The following ASS1 variants were observed in gnomAD, a reference collection of about 807,000 sequenced individuals.
ASS1 encodes argininosuccinate synthase 1.
ASS1 carries 58 observed loss-of-function variants against 60.5 expected under a neutral mutation model. The ratio of observed to expected loss-of-function variants is 0.96; its 90% CI spans 0.78 to 1.19. The LOEUF (loss-of-function observed/expected upper bound fraction) is 1.19, where lower values mean the gene tolerates loss of function less well. Among genes scored for constraint, ASS1 ranks in the 50% most tolerant of loss-of-function variants. ASS1 has a pLI of 0.00. For missense variants in ASS1, 454 were observed against 547.3 expected, an observed-to-expected ratio of 0.83 and a Z score of 1.70; for synonymous variants, 200 against 206.9, an observed-to-expected ratio of 0.97 and a Z score of 0.29.
chr9:130,500,360 T>A (rs12003032), intron 14 of ASS1, among the ~76,000 whole-genome samples: 2 of 152,130 alleles, frequency 1.3e-5, no homozygotes, highest in African/African-American at 4.8e-5. Flanking sequence ...TTTCCAAGGG[T>A]CACACAGCTA....
chr9:130,469,341 G>A (rs971587783), intron 6 of ASS1, among the ~76,000 whole-genome samples: 21 of 152,120 alleles, frequency 1.4e-4, no homozygotes, highest in African/African-American at 4.8e-4. Flanking sequence ...GTGTAATATG[G>A]TAACTGTTGA....
chr9:130,497,686 TG>T (rs1037003377), intron 13 of ASS1, among the ~76,000 whole-genome samples: 4 of 152,060 alleles, frequency 2.6e-5, no homozygotes, highest in African/African-American at 9.7e-5. Context: ...GTTCCCACCT[TG>T]GGGAACGGGA....
intron 11 of ASS1, among the ~76,000 whole-genome samples, chr9:130,484,940 G>A (rs1846271800): frequency 6.6e-6 from 1 of 152,184 alleles, no homozygotes; most frequent in Non-Finnish European, 1.5e-5. Context: ...TGTGTTTTGT[G>A]GCTGCAGCCT....
intron 4 of ASS1, among the ~76,000 whole-genome samples, chr9:130,461,563 G>A (rs973845316): frequency 5.9e-5 from 9 of 152,202 alleles, no homozygotes; most frequent in Non-Finnish European, 8.8e-5. Flanking sequence ...GGGATGCCGG[G>A]GAGTAGGTGC....
chr9:130,460,940 T>C (rs1023879495), intron 4 of ASS1, among the ~76,000 whole-genome samples: 1 of 151,812 alleles, frequency 6.6e-6, no homozygotes, highest in Non-Finnish European at 1.5e-5. Flanking sequence ...GTGTGTATGC[T>C]GCCATCTGTG....
intron 12 of ASS1, among the ~76,000 whole-genome samples, chr9:130,490,946 C>CGGGGGCCTGGACGTCA (rs1470093882): frequency 1.4e-4 from 22 of 152,270 alleles, no homozygotes; most frequent in Non-Finnish European, 1.5e-4. Context: ...CTCACATCTT[C>CGGGGGCCTGGACGTCA]GGGGGCCTGG....
At chr9:130,485,444 G>A (rs1457332685) in intron 11 of ASS1, among the ~76,000 whole-genome samples, 1 of 152,158 alleles carries the variant, frequency 6.6e-6, no homozygotes, top group Non-Finnish European at 1.5e-5. Flanking sequence ...GCCAAGCTGG[G>A]CACTTTCTGT....
chr9:130,480,505 T>C lies in ASS1; in HGVS notation c.838+56T>C. The C allele has an allele frequency of 6.3e-6, 10 of 1,585,372 alleles. No homozygotes were observed. The South Asian group carries it at 1.0e-4, about 16-fold the overall frequency. On this transcript the variant is annotated intron_variant, in intron 11 of 14. Coordinates refer to ENST00000352480, the MANE Select transcript of ASS1 (RefSeq NM_054012.4). ...CCTCGGGACCCAGCAAACCCAGAGA[T>C]CCCTGAGACCCTGTCCCCTTTGGAC...
At chr9:130,461,384 CG>C (rs144816697) in intron 4 of ASS1, among the ~76,000 whole-genome samples, 44,224 of 151,976 alleles carry the variant, frequency 0.29, 6,983 homozygotes, top group Middle Eastern at 0.37. Flanking sequence ...CCTTGGGGGC[CG>C]ACAAAGGCGG....
intron 3 of ASS1, among the ~76,000 whole-genome samples, chr9:130,455,139 C>CCCTCCAT (rs1845419896): frequency 6.6e-6 from 1 of 150,892 alleles, no homozygotes; most frequent in African/African-American, 2.5e-5. Context: ...CATCCATCAT[C>CCCTCCAT]CATCCATCCA....
intron 5 of ASS1, among the ~76,000 whole-genome samples, chr9:130,465,906 C>T (rs1845729188): frequency 6.6e-6 from 1 of 152,158 alleles, no homozygotes; most frequent in East Asian, 1.9e-4. Flanking sequence ...CCAGGGTGTC[C>T]AGTTTCGAGG....
At chr9:130,498,718 G>A (rs528092283) in intron 13 of ASS1, among the ~76,000 whole-genome samples, 1 of 152,332 alleles carries the variant, frequency 6.6e-6, no homozygotes, top group South Asian at 2.1e-4. Flanking sequence ...TCCGAGTGCA[G>A]GAATACTGGC....
chr9:130,492,550 G>A (rs1049881691), intron 12 of ASS1, among the ~76,000 whole-genome samples: 1 of 152,196 alleles, frequency 6.6e-6, no homozygotes, highest in African/African-American at 2.4e-5. Flanking sequence ...GGCTGTGTGA[G>A]CTTCAGGCAG....
In ASS1 at chr9:130,458,401, G is replaced by A. The variant is rs1390986372; in HGVS notation, c.175G>A (p.Val59Met). Residue 59 changes from valine (V) to methionine (M), a missense_variant and splice_region_variant, in exon 4 of 15, where the codon GTG (valine) becomes ATG (methionine). Transcript: ENST00000352480. ...KKALKLGAKK[V>M]FIEDVSREFV... The stretch of plus-strand genomic sequence containing the variant: ...TCCTTCTGGGCTCCTCTTCCCGTAG[G>A]TGTTCATTGAGGATGTCAGCAGGGA... The A allele has an allele frequency of 1.2e-6, 2 of 1,612,028 alleles. No individual in the cohort carries two copies. Among genetic ancestry groups the A allele is most frequent in the Non-Finnish European group, 1.7e-6 (2 of 1,179,856 alleles).
intron 5 of ASS1, chr9:130,466,473 A>G: frequency 1.7e-6 from 1 of 571,796 alleles, no homozygotes; most frequent in Non-Finnish European, 3.1e-6. Context: ...GGGAACAGGG[A>G]CCCCCTTCTC....
At chr9:130,455,065 A>G (rs557550871) in intron 3 of ASS1, among the ~76,000 whole-genome samples, 5 of 149,734 alleles carry the variant, frequency 3.3e-5, no homozygotes, top group African/African-American at 1.2e-4. Flanking sequence ...CCATCCATCC[A>G]TCCATTCACC....
In ASS1 at chr9:130,464,105, T is replaced by C. The variant is rs116103138; in HGVS notation, c.364-6T>C. ...GCTCCTGACAGCCCTCTGTTCTGCA[T>C]TGCAGGGGAACGATCAGGTCCGGTT... On this transcript the variant is annotated splice_region_variant and splice_polypyrimidine_tract_variant and intron_variant, in intron 4 of 14. Coordinates refer to ENST00000352480, the MANE Select transcript of ASS1 (RefSeq NM_054012.4). The C allele has an allele frequency of 1.8e-3, 2,887 of 1,613,974 alleles. 34 individuals carry two copies. In the African/African-American group the frequency reaches 0.029, roughly 16 times the overall value.
In ASS1 at chr9:130,476,563, GTC is replaced by G; in HGVS notation, c.598-307_598-306del. On this transcript the variant is annotated intron_variant, in intron 8 of 14. Coordinates refer to ENST00000352480, the MANE Select transcript of ASS1 (RefSeq NM_054012.4). The surrounding 1 kb of genome is among the most constrained non-coding windows in gnomAD (Gnocchi z 4.9). ...CGGAACGCCGCCTTGCTCCTCCAAAGTCACACTTTTTCCTGCCTGACTTGTTC... is the reference window on the plus strand; with the variant it reads ...CGGAACGCCGCCTTGCTCCTCCAAAGACACTTTTTCCTGCCTGACTTGTTC... 1 of 513,718 alleles carries G rather than the reference GTC, an allele frequency of 1.9e-6. No individual in the cohort carries two copies. 31.8% of individuals were successfully genotyped at this position (513,718 alleles called of 1,614,324 possible). A position where few individuals can be genotyped will look rare whatever the true frequency, so the allele number is the denominator to read the frequency against.
chr9:130,464,264 C>T lies in ASS1; in HGVS notation c.420+97C>T, dbSNP rs537344858. The T allele has an allele frequency of 5.6e-5, 81 of 1,443,524 alleles. 3 individuals carry two copies. In the South Asian group the frequency reaches 9.0e-4, roughly 16 times the overall value. 89.4% of individuals were successfully genotyped at this position (1,443,524 alleles called of 1,614,324 possible). ...GTTCTGGGAGATTCCACAGGACAGG[C>T]ACAGAATCTCCTCCGTGGCAGGGGT... On this transcript the variant is annotated intron_variant, in intron 5 of 14. Transcript: ENST00000352480.
Sources: allele counts gnomAD v4.1 joint callset (sites outside exome capture counted in the v4.1 genomes callset), GRCh38; gene constraint gnomAD v4.1.1; non-coding constraint Gnocchi (gnomAD v3.1); transcripts MANE v1.5; gene names NCBI Gene and HGNC (gene_info 2026-07-23, HGNC 2026-07-21).